The following DPYSL3 variants were observed in gnomAD, a reference collection of about 807,000 sequenced individuals.
The protein encoded by DPYSL3 is dihydropyrimidinase like 3.
DPYSL3 carries 16 observed loss-of-function variants against 66.1 expected under a neutral mutation model. That is an observed-to-expected ratio of 0.24 (90% CI 0.16 to 0.37). The LOEUF (loss-of-function observed/expected upper bound fraction) is 0.37, where lower values mean the gene tolerates loss of function less well. DPYSL3 is among the 10% of genes least tolerant of loss of function. DPYSL3 has a pLI of 1.00. For synonymous variants in DPYSL3, 338 were observed against 345.1 expected (o/e 0.98, Z 0.23); for missense variants, 738 against 916.2 (o/e 0.81, Z 2.51).
intron 1 of DPYSL3, among the ~76,000 whole-genome samples, chr5:147,473,606 T>G (rs1047856775): frequency 2.0e-5 from 3 of 152,144 alleles, no homozygotes; most frequent in Non-Finnish European, 4.4e-5. Context: ...TTGGGGGTTC[T>G]GTTTTGTTTT....
intron 2 of DPYSL3, among the ~76,000 whole-genome samples, chr5:147,419,238 T>C (rs796136497): frequency 1.6e-4 from 25 of 152,282 alleles, no homozygotes; most frequent in African/African-American, 5.5e-4. Flanking sequence ...AAGTCAAAGA[T>C]GCAGATGCCT....
intron 1 of DPYSL3, among the ~76,000 whole-genome samples, chr5:147,432,370 G>A (rs1223498145): frequency 6.6e-6 from 1 of 152,178 alleles, no homozygotes; most frequent in Non-Finnish European, 1.5e-5. Context: ...GTCTGAACTG[G>A]AGAATCAAAG....
intron 1 of DPYSL3, among the ~76,000 whole-genome samples, chr5:147,451,221 C>A (rs1752722337): frequency 6.6e-6 from 1 of 152,206 alleles, no homozygotes; most frequent in African/African-American, 2.4e-5. Flanking sequence ...CCTTCCTTTT[C>A]ATCCCCTTGG....
At chr5:147,408,915 T>C in intron 6 of DPYSL3, 119 bp from the exon 7 acceptor site, 1 of 986,162 alleles carries the variant, frequency 1.0e-6, no homozygotes, top group African/African-American at 1.6e-5. Context: ...AACAGATGTA[T>C]TAATCCTATA....
At chr5:147,425,709 G>A (rs1017222666) in intron 1 of DPYSL3, among the ~76,000 whole-genome samples, 12 of 152,054 alleles carry the variant, frequency 7.9e-5, no homozygotes, top group Non-Finnish European at 1.3e-4. Flanking sequence ...TGAGTTACCC[G>A]ACAGGAAACA....
chr5:147,401,616 C>T lies in DPYSL3; in HGVS notation c.1234G>A (p.Ala412Thr). ...THYWSKNWAK[A>T]AAFVTSPPLS... ...GGTGGGGATGTCACAAATGCAGCCG[C>T]CTTGGCCCAGTTCTTGCTCCAATAA... The change falls in exon 9 of 14, where the codon GCG becomes ACG. Residue 412 changes from alanine to threonine, a missense_variant. Ala to Thr is a moderately conservative substitution (Grantham distance 58). Coordinates refer to ENST00000343218, the MANE Select transcript of DPYSL3 (RefSeq NM_001197294.2). 4 of 1,614,064 alleles carry T rather than the reference C, an allele frequency of 2.5e-6. No individual in the cohort carries two copies. Among genetic ancestry groups the T allele is most frequent in the Non-Finnish European group, 3.4e-6 (4 of 1,179,994 alleles).
intron 1 of DPYSL3, among the ~76,000 whole-genome samples, chr5:147,479,003 G>C (rs893359800): frequency 6.6e-6 from 1 of 151,998 alleles, no homozygotes; most frequent in Non-Finnish European, 1.5e-5. Context: ...GCATCTAATA[G>C]GTGAGCAATA....
intron 1 of DPYSL3, among the ~76,000 whole-genome samples, chr5:147,435,184 C>T (rs558649885): frequency 6.6e-6 from 1 of 152,160 alleles, no homozygotes; most frequent in Admixed American, 6.5e-5. Context: ...TCCACAGAGG[C>T]CTTGCCTAAG....
chr5:147,413,445 T>C, intron 5 of DPYSL3, 151 bp downstream of exon 5: 2 of 613,990 alleles, frequency 3.3e-6, no homozygotes, highest in Non-Finnish European at 5.8e-6. Flanking sequence ...TTATTTAAAA[T>C]GTAGCGTGGA....
chr5:147,496,264 A>G (rs1005673317), intron 1 of DPYSL3, among the ~76,000 whole-genome samples: 1 of 152,276 alleles, frequency 6.6e-6, no homozygotes, highest in African/African-American at 2.4e-5. Context: ...TGGATTAAAG[A>G]CTTACATGTT....
intron 1 of DPYSL3, among the ~76,000 whole-genome samples, chr5:147,459,182 C>T (rs997517262): frequency 2.6e-5 from 4 of 151,844 alleles, no homozygotes; most frequent in African/African-American, 9.7e-5. Flanking sequence ...AAGGACCTAG[C>T]CATTTACCTA....
intron 1 of DPYSL3, among the ~76,000 whole-genome samples, chr5:147,490,683 C>T (rs1425476375): frequency 6.6e-6 from 1 of 152,082 alleles, no homozygotes; most frequent in African/African-American, 2.4e-5. Context: ...CAGAGCAAAC[C>T]ATTTCCCCCA....
chr5:147,457,025 CTCATTCATTCAT>C (rs35707944), intron 1 of DPYSL3, among the ~76,000 whole-genome samples: 3 of 152,026 alleles, frequency 2.0e-5, no homozygotes, highest in Admixed American at 6.5e-5. Flanking sequence ...CTCACCATCA[CTCATTCATTCAT>C]TCATTCATTC....
chr5:147,500,651 G>T (rs1189139840), intron 1 of DPYSL3, among the ~76,000 whole-genome samples: 1 of 149,036 alleles, frequency 6.7e-6, no homozygotes, highest in Non-Finnish European at 1.5e-5. Flanking sequence ...ACAAATAAAT[G>T]ACTCAATTAA....
chr5:147,478,633 G>A (rs950346060), intron 1 of DPYSL3, among the ~76,000 whole-genome samples: 3 of 152,008 alleles, frequency 2.0e-5, no homozygotes, highest in African/African-American at 7.3e-5. Flanking sequence ...CTCCTTTATT[G>A]ATCCTCTGTG....
chr5:147,458,458 G>T (rs2126406844), intron 1 of DPYSL3, among the ~76,000 whole-genome samples: 1 of 152,258 alleles, frequency 6.6e-6, no homozygotes, highest in Middle Eastern at 3.4e-3. Context: ...ATAAAAACAG[G>T]CAACCAGCAG....
chr5:147,461,852 C>T (rs898506323), intron 1 of DPYSL3, among the ~76,000 whole-genome samples: 1 of 152,064 alleles, frequency 6.6e-6, no homozygotes, highest in African/African-American at 2.4e-5. Context: ...TGGCAATTAG[C>T]ACAACTTCCA....
At chr5:147,406,924 C>A (rs1758338298) in intron 7 of DPYSL3, among the ~76,000 whole-genome samples, 1 of 152,164 alleles carries the variant, frequency 6.6e-6, no homozygotes, top group Admixed American at 6.5e-5. Context: ...CTGAGCTGGC[C>A]TCCCCCAAGC....
At chr5:147,415,139 A>G (rs1354776180) in intron 4 of DPYSL3, among the ~76,000 whole-genome samples, 1 of 152,170 alleles carries the variant, frequency 6.6e-6, no homozygotes, top group African/African-American at 2.4e-5. Context: ...ACGCTGGCAA[A>G]CACACAGAAA....
Sources: gnomAD v4.1 joint callset for allele counts (sites outside exome capture counted in the v4.1 genomes callset) on GRCh38, gnomAD v4.1.1 for gene constraint, MANE v1.5 for transcripts, NCBI Gene and HGNC (gene_info 2026-07-23, HGNC 2026-07-21) for gene names.